The following DHX57 variants were observed in gnomAD, a reference collection of about 807,000 sequenced individuals.
The protein encoded by DHX57 is putative ATP-dependent RNA helicase DHX57.
DHX57 carries 105 observed loss-of-function variants against 156.2 expected under a neutral mutation model. The ratio of observed to expected loss-of-function variants is 0.67; its 90% CI spans 0.57 to 0.79. The LOEUF (loss-of-function observed/expected upper bound fraction) is 0.79, where lower values mean the gene tolerates loss of function less well. Ranked by LOEUF, DHX57 falls within the 30% of genes least tolerant of loss-of-function variation. The pLI is 0.00. For missense variants in DHX57, 1,847 were observed against 1,661.9 expected (o/e 1.11, Z -1.94); for synonymous variants, 704 against 595.6 (o/e 1.18, Z -2.65).
At position 38,815,559 on chromosome 2, in the gene DHX57, G is replaced by C; in HGVS notation, c.3568C>G (p.Gln1190Glu). The change falls in exon 20 of 24, where the codon CAA (glutamine) becomes GAA (glutamate). Residue 1190 changes from glutamine to glutamate, a missense_variant. Coordinates refer to ENST00000457308, the MANE Select transcript of DHX57 (RefSeq NM_198963.3). Reference protein sequence around the residue: ...LRAREIEKRAQGGDGVLDATG... With the variant: ...LRAREIEKRAEGGDGVLDATG... Reference sequence around the variant, plus strand: ...GCATCTAAGACACCATCTCCTCCTTGGGCCCTTTTCTCAATTTCCCTTGCT... The same window carrying C: ...GCATCTAAGACACCATCTCCTCCTTCGGCCCTTTTCTCAATTTCCCTTGCT... 1 of 1,613,932 alleles carries C rather than the reference G, an allele frequency of 6.2e-7. No homozygotes were observed. The highest frequency in any genetic ancestry group is 8.5e-7 in the Non-Finnish European group (1 of 1,180,008).
intron 20 of DHX57, among the ~76,000 whole-genome samples, chr2:38,814,885 G>C (rs567747965): frequency 6.6e-6 from 1 of 151,800 alleles, no homozygotes; most frequent in African/African-American, 2.4e-5. Context: ...ACCATGCCTG[G>C]ATAATTGTGT....
At chr2:38,830,601 C>T (rs1671329769) in intron 13 of DHX57, among the ~76,000 whole-genome samples, 1 of 151,760 alleles carries the variant, frequency 6.6e-6, no homozygotes, top group African/African-American at 2.4e-5. Context: ...TGCACTTCAC[C>T]CTGGGCCACA....
intron 21 of DHX57, among the ~76,000 whole-genome samples, chr2:38,809,316 GT>G (rs1320080055): frequency 6.6e-6 from 1 of 151,302 alleles, no homozygotes; most frequent in Non-Finnish European, 1.5e-5. Flanking sequence ...GTAGAGACAA[GT>G]TCTCACTCTG....
Position 38,837,910 on chromosome 2 carries a change from C to G in DHX57, c.2463G>C (p.Met821Ile), listed in dbSNP as rs760801259. Residue 821 changes from methionine (M) to isoleucine (I), a missense_variant, in exon 13 of 24, where the codon ATG becomes ATC. Met to Ile is a conservative substitution (Grantham distance 10). Transcript: ENST00000457308. ...SKSVIKTMSI[M>I]DFEKVNLELI... ...ATTCAAGATTCACCTTTTCAAAATC[C>G]ATGATGGACATTGTTTTGATGACTG... 3.1e-6 allele frequency: 5 copies of G among 1,613,630 alleles called. No homozygotes were observed. Among genetic ancestry groups the G allele is most frequent in the East Asian group, 2.2e-5 (1 of 44,852 alleles).
chr2:38,802,274 T>C (rs1669717147), intron 23 of DHX57, among the ~76,000 whole-genome samples: 1 of 148,198 alleles, frequency 6.7e-6, no homozygotes, highest in East Asian at 2.0e-4. Flanking sequence ...TGTCTCATTG[T>C]AGACCATCAT....
chr2:38,837,188 G>C (rs1671721710), intron 13 of DHX57, among the ~76,000 whole-genome samples: 1 of 152,148 alleles, frequency 6.6e-6, no homozygotes, highest in South Asian at 2.1e-4. Flanking sequence ...ATTAGGGGTA[G>C]TATCTACTGA....
At chr2:38,858,526 TG>T in intron 6 of DHX57, 134 bp downstream of exon 6, 4 of 1,193,398 alleles carry the variant, frequency 3.4e-6, no homozygotes, top group Non-Finnish European at 4.7e-6. Context: ...TGCTGTGGCC[TG>T]TAGAAACTTT....
rs780732975 is a variant in DHX57 at position 38,823,242 on chromosome 2, A to T, written c.3042T>A (p.Ala1014=). The change falls in exon 17 of 24, where the codon GCT becomes GCA. Residue 1014 remains alanine (A), a synonymous_variant. Transcript: ENST00000457308. ...LRIKILEMFS[A]HNLQSVFSRL... ...GAGAGAACACAGACTGGAGATTATG[A>T]GCACTAAACATCTCTAAAATTTTAA... is the stretch of plus-strand genomic sequence containing the variant. The T allele has an allele frequency of 3.7e-6, 6 of 1,613,802 alleles. No individual in the cohort carries two copies. In the South Asian group the frequency reaches 5.5e-5, roughly 15 times the overall value.
At chr2:38,872,889 A>G (rs766369591) in intron 1 of DHX57, among the ~76,000 whole-genome samples, 6 of 152,242 alleles carry the variant, frequency 3.9e-5, no homozygotes, top group Non-Finnish European at 7.3e-5. Flanking sequence ...ATAGGTGTCT[A>G]TAGAACACTC....
At chr2:38,827,577 T>TACAC (rs1671167012) in intron 14 of DHX57, among the ~76,000 whole-genome samples, 1 of 132,966 alleles carries the variant, frequency 7.5e-6, no homozygotes, top group Non-Finnish European at 1.6e-5. Context: ...CACACATACA[T>TACAC]ACACACACAC....
chr2:38,857,140 A>C (rs1672943239), intron 6 of DHX57: 1 of 154,250 alleles, frequency 6.5e-6, no homozygotes, highest in Non-Finnish European at 1.5e-5. Flanking sequence ...GTGGCTATTG[A>C]GCACCTGAAA....
At chr2:38,810,200 C>CTT (rs546365495) in intron 21 of DHX57, among the ~76,000 whole-genome samples, 3 of 136,296 alleles carry the variant, frequency 2.2e-5, no homozygotes, top group East Asian at 4.3e-4. Flanking sequence ...TGGCCTTAGT[C>CTT]TTTTTTTTTT....
intron 13 of DHX57, among the ~76,000 whole-genome samples, chr2:38,836,547 G>A (rs1257022775): frequency 1.3e-5 from 2 of 152,162 alleles, no homozygotes; most frequent in East Asian, 3.9e-4. Flanking sequence ...GCCAAGGTGG[G>A]TGGATCATGT....
At chr2:38,873,019 GCT>G (rs1558411912) in intron 1 of DHX57, among the ~76,000 whole-genome samples, 1 of 151,272 alleles carries the variant, frequency 6.6e-6, no homozygotes, top group Admixed American at 6.6e-5. Flanking sequence ...ACAGAGTCTT[GCT>G]CTGTCGCCCA....
rs762534427 is a variant in DHX57, at chr2:38,847,071, G to A, written c.2167C>T (p.Arg723Cys). The A allele has an allele frequency of 1.2e-5, 20 of 1,612,684 alleles. No homozygotes were observed. The highest frequency in any genetic ancestry group is 8.8e-5 in the South Asian group (8 of 90,952). Reference sequence around the variant, plus strand: ...AAAAATTGATCAACAGGAAATGTACGACCTAGAAAAACAAGGAGACAAAAT... The same window carrying A: ...AAAAATTGATCAACAGGAAATGTACAACCTAGAAAAACAAGGAGACAAAAT... ...NSCPVITIPG[R>C]TFPVDQFFLE... The change falls in exon 11 of 24, where the codon CGT becomes TGT. Residue 723 changes from arginine (R) to cysteine (C), a missense_variant and splice_region_variant. Coordinates refer to ENST00000457308, the MANE Select transcript of DHX57 (RefSeq NM_198963.3).
intron 13 of DHX57, among the ~76,000 whole-genome samples, chr2:38,833,895 A>T (rs973466915): frequency 1.3e-5 from 2 of 152,260 alleles, no homozygotes; most frequent in African/African-American, 4.8e-5. Context: ...TATAGATACT[A>T]GCCTATTTTA....
intron 21 of DHX57, among the ~76,000 whole-genome samples, chr2:38,807,850 T>C (rs569438329): frequency 7.3e-5 from 11 of 151,574 alleles, no homozygotes; most frequent in Admixed American, 2.6e-4. Context: ...TTCTCCATGT[T>C]GGTCAGGCTG....
At chr2:38,839,142 G>C (rs1671844151) in intron 12 of DHX57, among the ~76,000 whole-genome samples, 2 of 151,650 alleles carry the variant, frequency 1.3e-5, no homozygotes, top group African/African-American at 4.8e-5. Flanking sequence ...ATGTTGGTCA[G>C]GCTGGTCTCG....
intron 10 of DHX57, among the ~76,000 whole-genome samples, chr2:38,847,759 T>A (rs1264497128): frequency 6.6e-6 from 1 of 152,104 alleles, no homozygotes; most frequent in Non-Finnish European, 1.5e-5. Context: ...TAACTATGAC[T>A]TTTTTTAAAA....
Sources: allele counts gnomAD v4.1 joint callset (sites outside exome capture counted in the v4.1 genomes callset), GRCh38; gene constraint gnomAD v4.1.1; transcripts MANE v1.5; gene names NCBI Gene and HGNC (gene_info 2026-07-23, HGNC 2026-07-21).